The following PDE4D variants were observed in gnomAD, a reference collection of about 807,000 sequenced individuals.
PDE4D encodes the protein phosphodiesterase 4D.
In PDE4D, 24 loss-of-function variants were observed where a neutral mutation model predicts 87.4. The observed-to-expected ratio is 0.27, with a 90% CI of 0.20 to 0.39. The LOEUF (loss-of-function observed/expected upper bound fraction) is 0.39. Among genes scored for constraint, PDE4D ranks in the 10% least tolerant of loss-of-function variants. PDE4D has a pLI of 1.00. For missense variants in PDE4D, 714 were observed against 1,041.0 expected (o/e 0.69, Z 4.32); for synonymous variants, 384 against 383.2 (o/e 1.00, Z -0.02).
intron 1 of PDE4D, among the ~76,000 whole-genome samples, chr5:60,269,547 C>T (rs1048110892): frequency 6.6e-6 from 1 of 152,088 alleles, no homozygotes. Context: ...TCTTAAAAGA[C>T]CAATTTGGTT....
At chr5:59,343,794 A>G (rs948471808) in intron 1 of PDE4D, among the ~76,000 whole-genome samples, 3 of 152,074 alleles carry the variant, frequency 2.0e-5, no homozygotes, top group African/African-American at 7.2e-5. Flanking sequence ...CAGTCCATAC[A>G]CTCAATTTCG....
chr5:60,212,415 C>T (rs1164735091), intron 1 of PDE4D, among the ~76,000 whole-genome samples: 1 of 152,166 alleles, frequency 6.6e-6, no homozygotes, highest in Non-Finnish European at 1.5e-5. Context: ...TGCTTACAGC[C>T]TGCAAGTGAT....
At chr5:59,624,850 T>C (rs182488981) in intron 1 of PDE4D, among the ~76,000 whole-genome samples, 1 of 152,288 alleles carries the variant, frequency 6.6e-6, no homozygotes, top group East Asian at 1.9e-4. Flanking sequence ...TTTTTGGCTG[T>C]GATTATTGTC....
chr5:59,237,360 C>T (rs1756666305), intron 1 of PDE4D, among the ~76,000 whole-genome samples: 1 of 152,098 alleles, frequency 6.6e-6, no homozygotes, highest in Admixed American at 6.6e-5. Context: ...TTTTGCTTGA[C>T]CATTTGCCAA....
chr5:59,574,008 ATATATATATATATATATAT>A lies in PDE4D; in HGVS notation c.455+319141_455+319159del, dbSNP rs1561239110. ...GGGAGACTCTGTCTCAAAAAAAAAT[ATATATATATATATATATAT>A]AAAAATATATATTTATATATATTTA... On this transcript the variant is annotated intron_variant, in intron 1 of 14. Transcript: ENST00000340635. Among the ~76,000 whole-genome samples, 18 of 97,486 alleles carry A rather than the reference ATATATATATATATATATAT, an allele frequency of 1.8e-4. 1 individual carries two copies. Among genetic ancestry groups the A allele is most frequent in the African/African-American group, 7.0e-4 (18 of 25,634 alleles). The allele number at this position is 97,486 out of a possible 152,430, so 64.0% of individuals were successfully genotyped here. A position where few individuals can be genotyped will look rare whatever the true frequency, so the allele number is the denominator to read the frequency against.
chr5:60,194,973 C>T lies in PDE4D; in HGVS notation c.-89-9286G>A, dbSNP rs550991349. On this transcript the variant is annotated intron_variant, in intron 1 of 16. Coordinates refer to the PDE4D transcript ENST00000502484. ...CAGTATCATCCCTTGACCTCCCACA[C>T]AGCATTGTTTCACTCACTTGCTATA... Among the ~76,000 whole-genome samples, 33 of 151,848 alleles carry T rather than the reference C, an allele frequency of 2.2e-4. No individual in the cohort carries two copies. In the South Asian group the frequency reaches 6.4e-3, roughly 30 times the overall value.
chr5:58,985,115 T>C (rs1466980227), intron 11 of PDE4D, among the ~76,000 whole-genome samples: 3 of 151,988 alleles, frequency 2.0e-5, no homozygotes, highest in South Asian at 2.1e-4. Flanking sequence ...GGGTTTCACC[T>C]TGTTGGCCAG....
chr5:60,063,091 GAAAGAAGAAAGAAAGAAAGAAAGA>G (rs1205309602), intron 2 of PDE4D, among the ~76,000 whole-genome samples: 20 of 99,474 alleles, frequency 2.0e-4, no homozygotes, highest in African/African-American at 6.4e-4. Flanking sequence ...AAGAAAGAAA[GAAAGAAGAAAGAAAGAAAGAAAGA>G]AAGAAAGAAA....
intron 3 of PDE4D, among the ~76,000 whole-genome samples, chr5:59,964,548 A>G (rs937438952): frequency 6.6e-6 from 1 of 152,162 alleles, no homozygotes; most frequent in African/African-American, 2.4e-5. Flanking sequence ...CAGTCTTTAC[A>G]TAGGCAATGT....
chr5:59,629,435 A>C (rs1831296189), intron 1 of PDE4D, among the ~76,000 whole-genome samples: 1 of 152,090 alleles, frequency 6.6e-6, no homozygotes, highest in Non-Finnish European at 1.5e-5. Context: ...GACAAAGAGA[A>C]ATTTGGACAC....
chr5:60,336,681 A>G (rs1056918994), intron 1 of PDE4D, among the ~76,000 whole-genome samples: 1 of 152,210 alleles, frequency 6.6e-6, no homozygotes, highest in African/African-American at 2.4e-5. Context: ...GTTGTCACAA[A>G]GTGTCTGAAT....
intron 1 of PDE4D, among the ~76,000 whole-genome samples, chr5:60,311,491 A>G (rs535651980): frequency 6.6e-6 from 1 of 152,374 alleles, no homozygotes; most frequent in East Asian, 1.9e-4. Context: ...AAGGAGAAGT[A>G]TAATCTTTTC....
chr5:59,071,575 T>C (rs1240541805), intron 5 of PDE4D, among the ~76,000 whole-genome samples: 1 of 151,414 alleles, frequency 6.6e-6, no homozygotes, highest in East Asian at 1.9e-4. Context: ...TCTGCTTTTG[T>C]TTCGTGGAAG....
At chr5:60,189,877 T>G (rs1264103361) in intron 1 of PDE4D, among the ~76,000 whole-genome samples, 2 of 152,226 alleles carry the variant, frequency 1.3e-5, no homozygotes, top group Non-Finnish European at 2.9e-5. Context: ...ATTGTTTGGG[T>G]ACAGTTGCCT....
At chr5:59,273,901 A>G (rs1764318113) in intron 1 of PDE4D, among the ~76,000 whole-genome samples, 2 of 152,142 alleles carry the variant, frequency 1.3e-5, no homozygotes, top group Admixed American at 1.3e-4. Context: ...ATTATTTCCA[A>G]TTGAAACCTG....
At chr5:59,090,801 CTTTT>C (rs1768572315) in intron 5 of PDE4D, among the ~76,000 whole-genome samples, 1 of 115,178 alleles carries the variant, frequency 8.7e-6, no homozygotes, top group African/African-American at 3.4e-5. Context: ...TTTTTTTTTT[CTTTT>C]TCTTTTTTTT....
In PDE4D at chr5:59,676,390, T is replaced by A. The variant is rs573361829; in HGVS notation, c.455+216778A>T. On this transcript the variant is annotated intron_variant, in intron 1 of 14. Coordinates refer to ENST00000340635, the MANE Select transcript of PDE4D (RefSeq NM_001104631.2). ...AATATTTATTCATTTATACTTTCAT[T>A]CAGTCAATAGATATTTATTAACAGC... Among the ~76,000 whole-genome samples, 4 of 152,332 alleles carry A rather than the reference T, an allele frequency of 2.6e-5. No individual in the cohort carries two copies. The East Asian group carries it at 7.7e-4, about 29-fold the overall frequency.
intron 1 of PDE4D, among the ~76,000 whole-genome samples, chr5:59,469,222 G>A (rs901240467): frequency 3.9e-5 from 6 of 151,992 alleles, no homozygotes; most frequent in African/African-American, 1.5e-4. Context: ...CAGCTACTTG[G>A]GAGGTTGAGG....
chr5:59,170,038 T>A (rs1782511262), intron 5 of PDE4D, among the ~76,000 whole-genome samples: 1 of 152,092 alleles, frequency 6.6e-6, no homozygotes, highest in Admixed American at 6.5e-5. Context: ...TGTGGTAGCT[T>A]TTCTTACTCT....
Sources: gnomAD v4.1 joint callset for allele counts (sites outside exome capture counted in the v4.1 genomes callset) on GRCh38, gnomAD v4.1.1 for gene constraint, MANE v1.5 for transcripts, NCBI Gene and HGNC (gene_info 2026-07-23, HGNC 2026-07-21) for gene names.